SEMA6B: variants seen among roughly 807,000 people sequenced by gnomAD.
The protein encoded by SEMA6B is semaphorin-6B.
Under a neutral mutation model 78.6 loss-of-function variants are expected in SEMA6B, and 47 were observed. The observed-to-expected ratio is 0.60, with a 90% CI of 0.47 to 0.76. The LOEUF is 0.76. Among genes scored for constraint, SEMA6B ranks in the 30% least tolerant of loss-of-function variants. The pLI, the probability that SEMA6B is intolerant of heterozygous loss-of-function variation, is 0.00. For synonymous variants in SEMA6B, 632 were observed against 592.2 expected (o/e 1.07, Z -0.98); for missense variants, 1,213 against 1,269.9 (o/e 0.96, Z 0.68).
rs750222341 is a variant in SEMA6B, at chr19:4,556,937, C to G, written c.369+14G>C. On this transcript the variant is annotated intron_variant, in intron 5 of 16. Coordinates refer to ENST00000586582, the MANE Select transcript of SEMA6B (RefSeq NM_032108.4). ...TGATTCGCAGGGGCCGGGACCGAGC[C>G]AGGGCCAACTCACCTCCTGTTTGCC... 1 of 1,611,282 alleles carries G rather than the reference C, an allele frequency of 6.2e-7. No individual in the cohort carries two copies. Among genetic ancestry groups the G allele is most frequent in the South Asian group, 1.1e-5 (1 of 90,792 alleles).
chr19:4,556,322 C>T (rs1977469071), intron 5 of SEMA6B, among the ~76,000 whole-genome samples: 1 of 152,136 alleles, frequency 6.6e-6, no homozygotes, highest in African/African-American at 2.4e-5. Flanking sequence ...GTGGGCATAA[C>T]CATGGCAATA....
In SEMA6B at chr19:4,558,341, C is replaced by A. The variant is rs1206440348; in HGVS notation, c.117G>T (p.Arg39Ser). The A allele has an allele frequency of 7.6e-7, 1 of 1,314,518 alleles. No individual in the cohort carries two copies. The highest frequency in any genetic ancestry group is 9.8e-7 in the Non-Finnish European group (1 of 1,022,618). The allele number at this position is 1,314,518 out of a possible 1,614,324, so 81.4% of individuals were successfully genotyped here. The stretch of plus-strand genomic sequence containing the variant: ...CAAAGACACCCCCAGACTCACAGTC[C>A]CTGGGGGCCACGCTAAGCGGCGGCG... ...EEPPPLSVAP[R>S]DYLNHYPVFV... Residue 39 changes from arginine (R) to serine (S), a missense_variant, in exon 2 of 17, where the codon AGG becomes AGT. Physicochemically the swap from Arg to Ser is moderately radical, Grantham distance 110 (BLOSUM62 -1). Coordinates refer to ENST00000586582, the MANE Select transcript of SEMA6B (RefSeq NM_032108.4). The surrounding 1 kb of genome is among the most constrained non-coding windows in gnomAD (Gnocchi z 5.1).
chr19:4,543,019 G>T lies in SEMA6B; in HGVS notation c.*582C>A. The T allele has an allele frequency of 2.9e-6, 2 of 690,362 alleles. No individual in the cohort carries two copies. The allele number at this position is 690,362 out of a possible 1,614,324, so 42.8% of individuals were successfully genotyped here. A position where few individuals can be genotyped will look rare whatever the true frequency, so the allele number is the denominator to read the frequency against. ...GGGGCCACCACGATCGTCGCTCGTG[G>T]ACACACACCCTGCACGCGTGGCCCA... On this transcript the variant is annotated 3_prime_UTR_variant, in exon 17 of 17. Transcript: ENST00000586582.
intron 3 of SEMA6B, among the ~76,000 whole-genome samples, chr19:4,557,476 C>T (rs190323386): frequency 3.3e-5 from 5 of 152,318 alleles, no homozygotes; most frequent in Non-Finnish European, 7.4e-5. Context: ...GGTCAGGTGC[C>T]CCACTCGGCG....
At position 4,550,564 on chromosome 19, in the gene SEMA6B, A is replaced by G. The variant is rs952804187; in HGVS notation, c.1121+235T>C. Among the ~76,000 whole-genome samples, 1 of 152,070 alleles carries G rather than the reference A, an allele frequency of 6.6e-6. No individual in the cohort carries two copies. Among genetic ancestry groups the G allele is most frequent in the African/African-American group, 2.4e-5 (1 of 41,404 alleles). On this transcript the variant is annotated intron_variant, in intron 11 of 16. Coordinates refer to ENST00000586582, the MANE Select transcript of SEMA6B (RefSeq NM_032108.4). The surrounding 1 kb of genome is among the most constrained non-coding windows in gnomAD (Gnocchi z 6.6). ...TTTTTAGTAGAGACAGGGTTTCGCC[A>G]TGTTGGTCGGGCTGGTCTCAAACCC...
chr19:4,552,469 G>A lies in SEMA6B; in HGVS notation c.942C>T (p.Leu314=), dbSNP rs778831834. The A allele has an allele frequency of 3.7e-5, 60 of 1,608,672 alleles. No homozygotes were observed. Among genetic ancestry groups the A allele is most frequent in the Non-Finnish European group, 4.2e-5 (50 of 1,178,228 alleles). The change falls in exon 10 of 17, where the codon CTC becomes CTT. Residue 314 remains leucine (L), a synonymous_variant. Transcript: ENST00000586582. The surrounding 1 kb of genome is among the most constrained non-coding windows in gnomAD (Gnocchi z 7.4). ...VLQAVTGVVS[L]GGRPVVLAVF... ...CGGCCAGGACCACGGGCCGGCCCCC[G>A]AGGCTGACCACGCCCGTGACAGCCT...
At position 4,556,043 on chromosome 19, in the gene SEMA6B, G is replaced by T. The variant is rs537476984; in HGVS notation, c.416C>A (p.Ser139Tyr). 1.7e-5 allele frequency: 27 copies of T among 1,614,158 alleles called. No homozygotes were observed. The Admixed American group carries it at 3.0e-4, about 18-fold the overall frequency. ...FVKVLLLRDESTLFVCGSNAF... is the reference protein window; with the variant it reads ...FVKVLLLRDEYTLFVCGSNAF... ...GTTGGAACCGCACACAAAGAGCGTG[G>T]ACTCGTCCCGAAGGAGCAGCACCTT... The change falls in exon 6 of 17, where the codon TCC becomes TAC. Residue 139 changes from serine (S) to tyrosine (Y), a missense_variant. Ser to Tyr is a moderately radical substitution (Grantham distance 144). Transcript: ENST00000586582.
At chr19:4,547,994 C>T (rs913364687) in intron 14 of SEMA6B, 33 bp downstream of exon 14, 5 of 1,512,840 alleles carry the variant, frequency 3.3e-6, no homozygotes, top group African/African-American at 2.7e-5. Flanking sequence ...TCCCTTGCTT[C>T]CCGCCCACGG....
rs1977540723 is a variant in SEMA6B at position 4,558,633 on chromosome 19, T to G, written c.-32-144A>C. 7.0e-6 allele frequency: 3 copies of G among 425,808 alleles called. No individual in the cohort carries two copies. Among genetic ancestry groups the G allele is most frequent in the Admixed American group, 4.4e-5 (1 of 22,620 alleles). The allele number at this position is 425,808 out of a possible 1,614,324, so 26.4% of individuals were successfully genotyped here. ...TTAATAAAAACAATAATGGCAATAA[T>G]AATAATAATACACAGCACTGATTTA... is the stretch of plus-strand genomic sequence containing the variant. On this transcript the variant is annotated intron_variant, in intron 1 of 16. Coordinates refer to ENST00000586582, the MANE Select transcript of SEMA6B (RefSeq NM_032108.4). The surrounding 1 kb of genome is among the most constrained non-coding windows in gnomAD (Gnocchi z 5.1).
In SEMA6B at chr19:4,555,913, A is replaced by T; in HGVS notation, c.471+75T>A. ...GAGGAGGTGACACGGCCTGGGGAAA[A>T]GCCATGGCCAGCGGAGGTCGGGCGA... On this transcript the variant is annotated intron_variant, in intron 6 of 16. Coordinates refer to ENST00000586582, the MANE Select transcript of SEMA6B (RefSeq NM_032108.4). The surrounding 1 kb of genome is among the most constrained non-coding windows in gnomAD (Gnocchi z 6.1). 1 of 1,169,576 alleles carries T rather than the reference A, an allele frequency of 8.6e-7. No homozygotes were observed. The highest frequency in any genetic ancestry group is 1.3e-6 in the Non-Finnish European group (1 of 776,590). 72.4% of individuals were successfully genotyped at this position (1,169,576 alleles called of 1,614,324 possible).
chr19:4,548,590 C>G, intron 12 of SEMA6B, 145 bp from the exon 13 acceptor site: 1 of 759,730 alleles, frequency 1.3e-6, no homozygotes, highest in Non-Finnish European at 2.1e-6. Flanking sequence ...GCATGGATGC[C>G]GGGGACATGC....
At chr19:4,551,651 GA>G (rs1271124639) in intron 10 of SEMA6B, among the ~76,000 whole-genome samples, 1 of 151,518 alleles carries the variant, frequency 6.6e-6, no homozygotes, top group African/African-American at 2.4e-5. Context: ...CCAAAATGGA[GA>G]AACCCCGTCT....
In SEMA6B at chr19:4,543,892, G is replaced by A. The variant is rs1398196957; in HGVS notation, c.2376C>T (p.His792=). 62 of 1,204,932 alleles carry A rather than the reference G, an allele frequency of 5.1e-5. No homozygotes were observed. The East Asian group carries it at 7.6e-4, about 15-fold the overall frequency. 74.6% of individuals were successfully genotyped at this position (1,204,932 alleles called of 1,614,324 possible). The change falls in exon 17 of 17, where the codon CAC becomes CAT. Residue 792 remains histidine (H), a synonymous_variant. Transcript: ENST00000586582. ...CCACCCGCCGGCGGTCCGGGCTGGC[G>A]TGGGGGGTGAGCGGGAAGTCGCCGT... ...ASHGDFPLTP[H]ASPDRRRVVS...
rs1285341057 is a variant in SEMA6B, at chr19:4,543,738, G to A, written c.2530C>T (p.Arg844Cys). The A allele has an allele frequency of 3.3e-6, 4 of 1,227,686 alleles. No individual in the cohort carries two copies. The highest frequency in any genetic ancestry group is 3.0e-6 in the Non-Finnish European group (3 of 985,376). The allele number at this position is 1,227,686 out of a possible 1,614,324, so 76.0% of individuals were successfully genotyped here. A position where few individuals can be genotyped will look rare whatever the true frequency, so the allele number is the denominator to read the frequency against. ...GPHAPPAATL[R>C]RTHTFNSGEA... ...CCGCTGTTGAACGTGTGGGTGCGGC[G>A]CAGGGTGGCGGCCGGAGGGGCGTGG... The change falls in exon 17 of 17, where the codon CGC becomes TGC. Residue 844 changes from arginine to cysteine, a missense_variant. By Grantham distance (180) the Arg-to-Cys change is radical. Transcript: ENST00000586582.
chr19:4,547,889 G>A (rs1301248530), intron 14 of SEMA6B, 138 bp downstream of exon 14: 27 of 1,118,342 alleles, frequency 2.4e-5, no homozygotes, highest in Admixed American at 6.2e-5. Context: ...CCTGCCCGCG[G>A]GCCTTTGCAC....
intron 16 of SEMA6B, 181 bp downstream of exon 16, chr19:4,546,035 T>G: frequency 1.8e-6 from 1 of 557,102 alleles, no homozygotes; most frequent in Non-Finnish European, 3.1e-6. Flanking sequence ...CCTCCCAAAG[T>G]GCTGGGATTA....
At position 4,550,508 on chromosome 19, in the gene SEMA6B, C is replaced by T. The variant is rs1055702371; in HGVS notation, c.1122-236G>A. Among the ~76,000 whole-genome samples, 1 of 152,124 alleles carries T rather than the reference C, an allele frequency of 6.6e-6. No homozygotes were observed. Among genetic ancestry groups the T allele is most frequent in the African/African-American group, 2.4e-5 (1 of 41,442 alleles). The stretch of plus-strand genomic sequence containing the variant: ...CCACCCGAGTGGCTGGGATTACAGG[C>T]ACGTGCCATCACGCCCGGCTAATTT... On this transcript the variant is annotated intron_variant, in intron 11 of 16. Coordinates refer to ENST00000586582, the MANE Select transcript of SEMA6B (RefSeq NM_032108.4). The surrounding 1 kb of genome is among the most constrained non-coding windows in gnomAD (Gnocchi z 6.6).
intron 14 of SEMA6B, 31 bp downstream of exon 14, chr19:4,547,996 C>T (rs369870436): frequency 1.7e-4 from 263 of 1,513,534 alleles, no homozygotes; most frequent in Admixed American, 2.2e-4. Context: ...CCTTGCTTCC[C>T]GCCCACGGCT....
chr19:4,553,877 C>T (rs1415081652), intron 9 of SEMA6B, among the ~76,000 whole-genome samples: 1 of 150,750 alleles, frequency 6.6e-6, no homozygotes, highest in Admixed American at 6.6e-5. Flanking sequence ...GGTGGATGGA[C>T]TGATAGATGG....
Sources: gnomAD v4.1 joint callset for allele counts (sites outside exome capture counted in the v4.1 genomes callset) on GRCh38, gnomAD v4.1.1 for gene constraint, Gnocchi (gnomAD v3.1) non-coding constraint, MANE v1.5 for transcripts, NCBI Gene and HGNC (gene_info 2026-07-23, HGNC 2026-07-21) for gene names.